The following APP variants were observed in gnomAD, a reference collection of about 807,000 sequenced individuals.
The protein encoded by APP is amyloid beta precursor protein, also known as amyloid-beta precursor protein.
In APP, 31 loss-of-function variants were observed where a neutral mutation model predicts 101.4. The observed-to-expected ratio is 0.31, with a 90% CI of 0.23 to 0.41. The LOEUF (loss-of-function observed/expected upper bound fraction) is 0.41. APP is among the 10% of genes least tolerant of loss of function. APP has a pLI of 1.00. For synonymous variants in APP, 366 were observed against 364.4 expected (o/e 1.00, Z -0.05); for missense variants, 839 against 1,003.7 (o/e 0.84, Z 2.22).
At chr21:25,920,453 A>AC (rs571086286) in intron 13 of APP, among the ~76,000 whole-genome samples, 106 of 152,262 alleles carry the variant, frequency 7.0e-4, no homozygotes, top group African/African-American at 2.5e-3. Context: ...AAGAGTCAAG[A>AC]CCCATCAGTG....
chr21:25,960,365 T>A (rs216759), intron 11 of APP, among the ~76,000 whole-genome samples: 1 of 152,110 alleles, frequency 6.6e-6, no homozygotes, highest in African/African-American at 2.4e-5. Flanking sequence ...AAACTTGTTC[T>A]TGGAGGCCTG....
At chr21:26,021,031 C>A (rs947223795) in intron 6 of APP, among the ~76,000 whole-genome samples, 1 of 149,048 alleles carries the variant, frequency 6.7e-6, no homozygotes, top group East Asian at 2.0e-4. Context: ...TAAAATAATG[C>A]GATACTCACC....
At chr21:25,981,711 GTTTTTTT>G (rs11330953) in intron 9 of APP, among the ~76,000 whole-genome samples, 8 of 127,358 alleles carry the variant, frequency 6.3e-5, no homozygotes, top group Non-Finnish European at 8.5e-5. Context: ...ACCAAAACAG[GTTTTTTT>G]TTTTTTTTTT....
Position 25,948,528 on chromosome 21 carries a change from C to T in APP, c.1687+6062G>A, listed in dbSNP as rs202188208. On this transcript the variant is annotated intron_variant, in intron 13 of 17. Transcript: ENST00000346798. ...GATTTATTCAGCCAGAGATCTTTCCCGCATCTGGTTTATAATAATTCATGT... is the reference window on the plus strand; with the variant it reads ...GATTTATTCAGCCAGAGATCTTTCCTGCATCTGGTTTATAATAATTCATGT... Among the ~76,000 whole-genome samples the T allele has an allele frequency of 2.4e-4, 36 of 152,252 alleles. No individual in the cohort carries two copies. The South Asian group carries it at 5.6e-3, about 24-fold the overall frequency.
intron 3 of APP, among the ~76,000 whole-genome samples, chr21:26,071,634 G>A (rs1349119232): frequency 6.6e-6 from 1 of 152,166 alleles, no homozygotes; most frequent in East Asian, 1.9e-4. Context: ...TACATGAAAG[G>A]AAAATTACAG....
intron 5 of APP, among the ~76,000 whole-genome samples, chr21:26,026,452 A>G (rs984387559): frequency 7.2e-5 from 11 of 152,256 alleles, no homozygotes; most frequent in African/African-American, 2.2e-4. Context: ...AAATGACATC[A>G]CAAAGGTGAC....
chr21:26,149,292 T>C (rs564598362), intron 1 of APP, among the ~76,000 whole-genome samples: 1 of 152,300 alleles, frequency 6.6e-6, no homozygotes, highest in Non-Finnish European at 1.5e-5. Flanking sequence ...CCCAGTCCAC[T>C]GGCCAGCTCC....
chr21:25,990,868 G>A (rs1023788017), intron 8 of APP, among the ~76,000 whole-genome samples: 1 of 152,094 alleles, frequency 6.6e-6, no homozygotes, highest in African/African-American at 2.4e-5. Context: ...CACATCCTGG[G>A]GTCAAAAATA....
At chr21:25,885,628 G>A (rs1249425657) in intron 17 of APP, among the ~76,000 whole-genome samples, 1 of 152,144 alleles carries the variant, frequency 6.6e-6, no homozygotes, top group East Asian at 1.9e-4. Flanking sequence ...GCACCTTCCT[G>A]AGACCTGGAC....
intron 13 of APP, among the ~76,000 whole-genome samples, chr21:25,926,958 G>A (rs373318670): frequency 3.2e-4 from 40 of 126,872 alleles, no homozygotes; most frequent in African/African-American, 1.2e-3. Context: ...AGCCGAGATC[G>A]CGCCACTGCA....
chr21:26,017,679 G>C (rs1486066641), intron 6 of APP, among the ~76,000 whole-genome samples: 2 of 152,086 alleles, frequency 1.3e-5, no homozygotes, highest in Non-Finnish European at 2.9e-5. Flanking sequence ...AAAAGATTAT[G>C]CCATTTATTA....
intron 2 of APP, among the ~76,000 whole-genome samples, chr21:26,106,643 A>G (rs1388351842): frequency 6.6e-6 from 1 of 152,192 alleles, no homozygotes; most frequent in African/African-American, 2.4e-5. Flanking sequence ...AGCTCGGCCA[A>G]AACCTAGTTC....
chr21:25,931,023 C>T (rs2040123771), intron 13 of APP, among the ~76,000 whole-genome samples: 1 of 152,206 alleles, frequency 6.6e-6, no homozygotes, highest in Admixed American at 6.5e-5. Flanking sequence ...AATCAAACCA[C>T]TTTATCATAA....
chr21:25,984,966 A>G (rs1000052017), intron 8 of APP, among the ~76,000 whole-genome samples: 4 of 152,190 alleles, frequency 2.6e-5, no homozygotes, highest in Non-Finnish European at 4.4e-5. Flanking sequence ...CATAAAACTT[A>G]CTATATAAGA....
chr21:25,947,029 A>ATT (rs2040854175), intron 13 of APP, among the ~76,000 whole-genome samples: 1 of 152,180 alleles, frequency 6.6e-6, no homozygotes, highest in Non-Finnish European at 1.5e-5. Context: ...AGCTAAAAGG[A>ATT]TTTACTTTTT....
Position 25,982,471 on chromosome 21 carries a change from G to C in APP, c.1097C>G (p.Thr366Arg). The C allele has an allele frequency of 6.2e-7, 1 of 1,613,812 alleles. No individual in the cohort carries two copies. Residue 366 changes from threonine (T) to arginine (R), a missense_variant, in exon 9 of 18, where the codon ACA becomes AGA. By Grantham distance (71) the Thr-to-Arg change is moderately conservative. Coordinates refer to ENST00000346798, the MANE Select transcript of APP (RefSeq NM_000484.4). ...GGCATCAGGGGTACTGGCTGCTGTT[G>C]TAGGAACTATAAAGTAGAAGAGAAG... ...PLARDPVKLP[T>R]TAASTPDAVD...
intron 13 of APP, among the ~76,000 whole-genome samples, chr21:25,949,634 A>G (rs1010962535): frequency 1.3e-5 from 2 of 152,176 alleles, no homozygotes; most frequent in Admixed American, 1.3e-4. Context: ...TCTAAAAAGT[A>G]CCAGGGTCCT....
At chr21:26,132,073 A>G (rs2062808780) in intron 1 of APP, among the ~76,000 whole-genome samples, 1 of 152,214 alleles carries the variant, frequency 6.6e-6, no homozygotes, top group African/African-American at 2.4e-5. Flanking sequence ...TTAAAAAAAT[A>G]AACAAAAAAA....
intron 2 of APP, among the ~76,000 whole-genome samples, chr21:26,090,593 GA>G (rs2061802522): frequency 6.6e-6 from 1 of 152,204 alleles, no homozygotes; most frequent in Non-Finnish European, 1.5e-5. Flanking sequence ...ATAGAAACAA[GA>G]GGGGGAAAGG....
Sources: gnomAD v4.1 joint callset for allele counts (sites outside exome capture counted in the v4.1 genomes callset) on GRCh38, gnomAD v4.1.1 for gene constraint, MANE v1.5 for transcripts, NCBI Gene and HGNC (gene_info 2026-07-23, HGNC 2026-07-21) for gene names.